VPS33B: variants seen among roughly 807,000 people sequenced by gnomAD.
VPS33B encodes the protein VPS33B late endosome and lysosome associated.
A neutral mutation model predicts 95.3 loss-of-function variants in VPS33B; 80 were observed. The ratio of observed to expected loss-of-function variants is 0.84; its 90% CI spans 0.70 to 1.01. VPS33B has a LOEUF of 1.01. Among genes scored for constraint, VPS33B ranks in the 50% least tolerant of loss-of-function variants. The pLI, the probability that VPS33B is intolerant of heterozygous loss-of-function variation, is 0.00. For missense variants in VPS33B, 715 were observed against 773.4 expected (o/e 0.92, Z 0.90); for synonymous variants, 280 against 280.4 (o/e 1.00, Z 0.01).
Position 91,007,970 on chromosome 15 carries a change from G to A in VPS33B, c.404-6C>T, listed in dbSNP as rs1278718600. ...CCATTCATCACAGCTCACATCTGTG[G>A]GGACAGAGAGCATCAGCCTCCCTGC... On this transcript the variant is annotated splice_region_variant and splice_polypyrimidine_tract_variant and intron_variant, in intron 6 of 22. Transcript: ENST00000333371. This position sits in a 1 kb window ranked among gnomAD's most constrained non-coding sequence, Gnocchi z 5.3. 1.2e-6 allele frequency: 2 copies of A among 1,613,734 alleles called. No homozygotes were observed. Among genetic ancestry groups the A allele is most frequent in the South Asian group, 2.2e-5 (2 of 91,062 alleles).
rs965483476 is a variant in VPS33B at position 91,002,652 on chromosome 15, GAAAA to G, written c.1272+429_1272+432del. Among the ~76,000 whole-genome samples the G allele has an allele frequency of 3.5e-5, 5 of 142,428 alleles. No individual in the cohort carries two copies. The highest frequency in any genetic ancestry group is 6.1e-5 in the Non-Finnish European group (4 of 65,598). 93.4% of individuals were successfully genotyped at this position (142,428 alleles called of 152,430 possible). On this transcript the variant is annotated intron_variant, in intron 17 of 22. Transcript: ENST00000333371. The surrounding 1 kb of genome is among the most constrained non-coding windows in gnomAD (Gnocchi z 4.7). ...CTCGAAATAAAAAAAAAAAAAAAAAGAAAAGAAATAATTAGCACCAAACAAAGAA... is the reference window on the plus strand; with the variant it reads ...CTCGAAATAAAAAAAAAAAAAAAAAGGAAATAATTAGCACCAAACAAAGAA...
chr15:91,006,041 T>C lies in VPS33B; in HGVS notation c.871A>G (p.Asn291Asp). ...CCAAAGACATTGGAGAAGTGCTCGT[T>C]CCGAATCTCATTAAACACCTGTGAG... Reference protein sequence around the residue: ...AEDKVFNEIRNEHFSNVFGFL... With the variant: ...AEDKVFNEIRDEHFSNVFGFL... The change falls in exon 12 of 23, where the codon AAC becomes GAC. Residue 291 changes from asparagine (N) to aspartate (D), a missense_variant. Physicochemically the swap from Asn to Asp is conservative, Grantham distance 23. Transcript: ENST00000333371. This position sits in a 1 kb window ranked among gnomAD's most constrained non-coding sequence, Gnocchi z 5.4. 1 of 1,614,168 alleles carries C rather than the reference T, an allele frequency of 6.2e-7. No individual in the cohort carries two copies. Among genetic ancestry groups the C allele is most frequent in the Non-Finnish European group, 8.5e-7 (1 of 1,180,028 alleles).
chr15:91,020,503 T>C (rs921841832), intron 1 of VPS33B, among the ~76,000 whole-genome samples: 8 of 150,116 alleles, frequency 5.3e-5, no homozygotes, highest in Non-Finnish European at 8.8e-5. Flanking sequence ...CCTGAACTAG[T>C]GGCTTTAACT....
rs1218471833 is a variant in VPS33B, at chr15:91,004,681, G to C, written c.1225+196C>G. On this transcript the variant is annotated intron_variant, in intron 16 of 22. Coordinates refer to ENST00000333371, the MANE Select transcript of VPS33B (RefSeq NM_018668.5). ...AAGGCTCTAGGGTGGCCTGGATGTG[G>C]TCCCGCTGAGGGCTAAAGCAATAAA... is the stretch of plus-strand genomic sequence containing the variant. Among the ~76,000 whole-genome samples the C allele has an allele frequency of 2.6e-5, 4 of 152,124 alleles. No individual in the cohort carries two copies. The South Asian group carries it at 8.3e-4, about 32-fold the overall frequency.
At position 91,010,903 on chromosome 15, in the gene VPS33B, C is replaced by T. The variant is rs931242784; in HGVS notation, c.358-1057G>A. On this transcript the variant is annotated intron_variant, in intron 5 of 22. Transcript: ENST00000333371. The surrounding 1 kb of genome is among the most constrained non-coding windows in gnomAD (Gnocchi z 5.7). ...GAGACCTGAGGGAGACTAGATGAAA[C>T]GATGAAGGTGGAGATGAGGAAGCAG... Among the ~76,000 whole-genome samples the T allele has an allele frequency of 1.3e-5, 2 of 152,028 alleles. No homozygotes were observed. Among genetic ancestry groups the T allele is most frequent in the Admixed American group, 6.6e-5 (1 of 15,256 alleles).
Position 91,005,906 on chromosome 15 carries a change from C to T in VPS33B, c.939+67G>A. 2.5e-6 allele frequency: 4 copies of T among 1,607,460 alleles called. No individual in the cohort carries two copies. The highest frequency in any genetic ancestry group is 3.4e-6 in the Non-Finnish European group (4 of 1,175,320). On this transcript the variant is annotated intron_variant, in intron 12 of 22. Transcript: ENST00000333371. This position sits in a 1 kb window ranked among gnomAD's most constrained non-coding sequence, Gnocchi z 6.4. ...ACCTGTCATAGTATTAGAAGGGGAGCCCAAGGGCAGCAGCCTTGGGAAGCC... is the reference window on the plus strand; with the variant it reads ...ACCTGTCATAGTATTAGAAGGGGAGTCCAAGGGCAGCAGCCTTGGGAAGCC...
Position 91,015,901 on chromosome 15 carries a change from G to C in VPS33B, c.239+1062C>G, listed in dbSNP as rs2040910585. The stretch of plus-strand genomic sequence containing the variant: ...ATAGAAAATATTTTTTTTCAAACTG[G>C]GGTACATGGATATATTCTCCATGTA... On this transcript the variant is annotated intron_variant, in intron 3 of 22. Coordinates refer to ENST00000333371, the MANE Select transcript of VPS33B (RefSeq NM_018668.5). The surrounding 1 kb of genome is among the most constrained non-coding windows in gnomAD (Gnocchi z 4.7). Among the ~76,000 whole-genome samples, 1 of 151,262 alleles carries C rather than the reference G, an allele frequency of 6.6e-6. No homozygotes were observed.
rs781385251 is a variant in VPS33B, at chr15:90,999,641, A to G, written c.1774+36T>C. 14 of 1,606,694 alleles carry G rather than the reference A, an allele frequency of 8.7e-6. No homozygotes were observed. The highest frequency in any genetic ancestry group is 4.4e-5 in the South Asian group (4 of 90,892). ...GCTGACACTTTGTTACCCAGATACAATGCAGGCCAATTCTCACCTTTCTGC... is the reference window on the plus strand; with the variant it reads ...GCTGACACTTTGTTACCCAGATACAGTGCAGGCCAATTCTCACCTTTCTGC... On this transcript the variant is annotated intron_variant, in intron 22 of 22. Transcript: ENST00000333371. The surrounding 1 kb of genome is among the most constrained non-coding windows in gnomAD (Gnocchi z 5.1).
intron 1 of VPS33B, among the ~76,000 whole-genome samples, chr15:91,019,347 A>C (rs1596372992): frequency 6.9e-6 from 1 of 145,228 alleles, no homozygotes; most frequent in Non-Finnish European, 1.5e-5. Flanking sequence ...CGAACCCCTG[A>C]CCTCCTCAGG....
chr15:90,999,005 A>C lies in VPS33B; in HGVS notation c.1824T>G (p.Leu608=). 6.2e-7 allele frequency: 1 copy of C among 1,614,190 alleles called. No homozygotes were observed. The change falls in exon 23 of 23, where the codon CTT becomes CTG. Residue 608 remains leucine, a synonymous_variant. Coordinates refer to ENST00000333371, the MANE Select transcript of VPS33B (RefSeq NM_018668.5). This position sits in a 1 kb window ranked among gnomAD's most constrained non-coding sequence, Gnocchi z 5.1. ...LTTAVTNSAR[L]MEAMSEVKA is the part of the protein sequence containing the mutation. ...CTTTCACCTCACTCATGGCCTCCAT[A>C]AGGCGAGCGCTGTTTGTGACTGCTG... is the stretch of plus-strand genomic sequence containing the variant.
At chr15:91,014,484 T>C in intron 3 of VPS33B, 51 bp from the exon 4 acceptor site, 3 of 1,590,768 alleles carry the variant, frequency 1.9e-6, no homozygotes, top group Non-Finnish European at 1.7e-6. Context: ...TCAAGTTGGA[T>C]AGCAACTTAG....
intron 1 of VPS33B, among the ~76,000 whole-genome samples, chr15:91,019,883 G>A (rs769398354): frequency 4.6e-5 from 7 of 151,534 alleles, no homozygotes; most frequent in Non-Finnish European, 7.4e-5. Flanking sequence ...TCGGCTCACC[G>A]CAACCTCCAC....
intron 4 of VPS33B, among the ~76,000 whole-genome samples, chr15:91,014,134 G>A (rs1390408112): frequency 2.0e-5 from 3 of 150,190 alleles, no homozygotes; most frequent in African/African-American, 7.4e-5. Flanking sequence ...CAAGAGAATC[G>A]CTTGAACCCA....
chr15:91,006,206 C>T lies in VPS33B; in HGVS notation c.853-147G>A, dbSNP rs1466861835. 23 of 1,331,318 alleles carry T rather than the reference C, an allele frequency of 1.7e-5. No individual in the cohort carries two copies. Among genetic ancestry groups the T allele is most frequent in the East Asian group, 9.3e-5 (4 of 43,172 alleles). The allele number at this position is 1,331,318 out of a possible 1,614,324, so 82.5% of individuals were successfully genotyped here. On this transcript the variant is annotated intron_variant, in intron 11 of 22. Coordinates refer to ENST00000333371, the MANE Select transcript of VPS33B (RefSeq NM_018668.5). This position sits in a 1 kb window ranked among gnomAD's most constrained non-coding sequence, Gnocchi z 5.4. ...TCTGTAAGTCCATATCAAATGCCTA[C>T]ACCGTGTTCTAGGAGATGCTCTGAA...
At chr15:91,012,493 G>A (rs1030805208) in intron 5 of VPS33B, among the ~76,000 whole-genome samples, 3 of 152,134 alleles carry the variant, frequency 2.0e-5, no homozygotes, top group African/African-American at 7.2e-5. Context: ...CAGGTAATAA[G>A]GCCTCAAGGG....
intron 1 of VPS33B, among the ~76,000 whole-genome samples, chr15:91,019,372 C>T (rs1251574561): frequency 6.6e-6 from 1 of 152,162 alleles, no homozygotes; most frequent in Admixed American, 6.5e-5. Flanking sequence ...CCACCTGCCT[C>T]AGCCTCCCAA....
At position 91,004,862 on chromosome 15, in the gene VPS33B, G is replaced by T; in HGVS notation, c.1225+15C>A. Reference sequence around the variant, plus strand: ...TCTCAATCTGACATTCTCATCTTCAGTCTTTTGGGCTCACCATTCTCAGTG... The same window carrying T: ...TCTCAATCTGACATTCTCATCTTCATTCTTTTGGGCTCACCATTCTCAGTG... On this transcript the variant is annotated intron_variant, in intron 16 of 22. Transcript: ENST00000333371. 1 of 1,614,120 alleles carries T rather than the reference G, an allele frequency of 6.2e-7. No individual in the cohort carries two copies. Among genetic ancestry groups the T allele is most frequent in the South Asian group, 1.1e-5 (1 of 91,078 alleles).
chr15:91,001,016 T>G (rs1441551236), intron 19 of VPS33B: 1 of 347,502 alleles, frequency 2.9e-6, no homozygotes, highest in African/African-American at 2.1e-5. Context: ...TTTTGTGGAT[T>G]CAAAGTACTC....
chr15:91,021,724 C>T (rs1374808469), intron 1 of VPS33B, among the ~76,000 whole-genome samples: 1 of 152,360 alleles, frequency 6.6e-6, no homozygotes, highest in South Asian at 2.1e-4. Context: ...TACTCACACT[C>T]ACTTCCTTGA....
Sources: gnomAD v4.1 joint callset for allele counts (sites outside exome capture counted in the v4.1 genomes callset) on GRCh38, gnomAD v4.1.1 for gene constraint, Gnocchi (gnomAD v3.1) non-coding constraint, MANE v1.5 for transcripts, NCBI Gene and HGNC (gene_info 2026-07-23, HGNC 2026-07-21) for gene names.